Variants in SMCHD1 observed in about 807,000 individuals in gnomAD.
The protein encoded by SMCHD1 is structural maintenance of chromosomes flexible hinge domain-containing protein 1.
Under a neutral mutation model 254.7 loss-of-function variants are expected in SMCHD1, and 78 were observed. That is an observed-to-expected ratio of 0.31 (90% CI 0.26 to 0.37). The LOEUF (loss-of-function observed/expected upper bound fraction) is 0.37. SMCHD1 is among the 10% of genes least tolerant of loss of function. The pLI is 1.00. For synonymous variants in SMCHD1, 766 were observed against 794.9 expected, an observed-to-expected ratio of 0.96 and a Z score of 0.61; for missense variants, 1,840 against 2,408.1, an observed-to-expected ratio of 0.76 and a Z score of 4.94.
rs553281127 is a variant in SMCHD1, at chr18:2,655,846, G to T, written c.-230G>T. 25 of 350,494 alleles carry T rather than the reference G, an allele frequency of 7.1e-5. No homozygotes were observed. Among genetic ancestry groups the T allele is most frequent in the African/African-American group, 5.3e-4 (25 of 47,042 alleles). The allele number at this position is 350,494 out of a possible 1,614,324, so 21.7% of individuals were successfully genotyped here. ...GCGTCCCCTTCTCCTCAGGAGTGGC[G>T]GGCCGCGGAAGTGACGTGGTGCACG... On this transcript the variant is annotated 5_prime_UTR_variant, in exon 1 of 48. Coordinates refer to ENST00000320876, the MANE Select transcript of SMCHD1 (RefSeq NM_015295.3).
intron 5 of SMCHD1, among the ~76,000 whole-genome samples, chr18:2,682,057 G>A (rs768503500): frequency 2.0e-5 from 3 of 152,144 alleles, no homozygotes; most frequent in East Asian, 1.9e-4. Flanking sequence ...TAACATCTAA[G>A]CACCCTACTT....
At chr18:2,669,403 TG>T (rs2073533822) in intron 3 of SMCHD1, among the ~76,000 whole-genome samples, 1 of 152,196 alleles carries the variant, frequency 6.6e-6, no homozygotes, top group African/African-American at 2.4e-5. Flanking sequence ...CTCACTATGT[TG>T]CCCAGGCTGG....
intron 47 of SMCHD1, among the ~76,000 whole-genome samples, chr18:2,798,238 C>CAA (rs11419909): frequency 6.6e-6 from 1 of 151,542 alleles, no homozygotes; most frequent in Non-Finnish European, 1.5e-5. Context: ...CATCATGTTG[C>CAA]AAAAAAAATC....
intron 44 of SMCHD1, 89 bp downstream of exon 44, chr18:2,778,328 T>A: frequency 1.1e-6 from 1 of 881,300 alleles, no homozygotes; most frequent in Non-Finnish European, 1.7e-6. Context: ...ACGACTAGCC[T>A]TTTCAAAACC....
intron 5 of SMCHD1, among the ~76,000 whole-genome samples, chr18:2,680,976 G>A (rs565804897): frequency 1.3e-5 from 2 of 152,202 alleles, no homozygotes; most frequent in East Asian, 1.9e-4. Context: ...TTAAGATATA[G>A]GACAATAAGC....
At position 2,718,699 on chromosome 18, in the gene SMCHD1, G is replaced by A. The variant is rs763482504; in HGVS notation, c.2458+265G>A. Among the ~76,000 whole-genome samples, 1 of 151,876 alleles carries A rather than the reference G, an allele frequency of 6.6e-6. No individual in the cohort carries two copies. Among genetic ancestry groups the A allele is most frequent in the Non-Finnish European group, 1.5e-5 (1 of 67,988 alleles). ...GCCTCCCGAGTAGCTGGGATTACAG[G>A]CGCCCGCCACCACACCTGGCTTTTT... is the stretch of plus-strand genomic sequence containing the variant. On this transcript the variant is annotated intron_variant, in intron 19 of 47. Transcript: ENST00000320876. The surrounding 1 kb of genome is among the most constrained non-coding windows in gnomAD (Gnocchi z 4.6).
chr18:2,671,383 A>G (rs1429454715), intron 3 of SMCHD1, among the ~76,000 whole-genome samples: 1 of 152,162 alleles, frequency 6.6e-6, no homozygotes, highest in East Asian at 1.9e-4. Context: ...TGAAAACCCT[A>G]TCAGTTGAAA....
Position 2,695,029 on chromosome 18 carries a change from G to A in SMCHD1, c.1040+336G>A, listed in dbSNP as rs752462017. 3.5e-5 allele frequency among the ~76,000 whole-genome samples: 5 copies of A among 141,072 alleles called. No individual in the cohort carries two copies. The East Asian group carries it at 6.2e-4, about 18-fold the overall frequency. 92.5% of individuals were successfully genotyped at this position (141,072 alleles called of 152,430 possible). ...GTGCTTCTTTTCCATAGGACCTGTC[G>A]TAATCTTCCATACCATATATATTTA... On this transcript the variant is annotated intron_variant, in intron 8 of 47. Transcript: ENST00000320876.
chr18:2,677,864 C>T (rs1353926189), intron 5 of SMCHD1, among the ~76,000 whole-genome samples: 1 of 152,090 alleles, frequency 6.6e-6, no homozygotes, highest in Non-Finnish European at 1.5e-5. Context: ...AGCGATCCAC[C>T]TGCCTCAGCC....
At chr18:2,741,094 C>T (rs965527703) in intron 28 of SMCHD1, among the ~76,000 whole-genome samples, 1 of 152,112 alleles carries the variant, frequency 6.6e-6, no homozygotes, top group Non-Finnish European at 1.5e-5. Flanking sequence ...CCATTTTATC[C>T]ATAAAGATTG....
intron 37 of SMCHD1, among the ~76,000 whole-genome samples, chr18:2,765,459 G>A (rs1168803998): frequency 2.0e-5 from 3 of 152,100 alleles, no homozygotes; most frequent in African/African-American, 7.2e-5. Context: ...AGGCTTATAC[G>A]GTAGGAGCCT....
rs10708453 is a variant in SMCHD1, at chr18:2,762,492, CT to C, written c.4566+275del. Among the ~76,000 whole-genome samples the C allele has an allele frequency of 0.33, 41,683 of 126,572 alleles. 6,118 individuals are homozygous for C. Among genetic ancestry groups the C allele is most frequent in the Non-Finnish European group, 0.39 (23,515 of 59,848 alleles). The allele number at this position is 126,572 out of a possible 152,430, so 83.0% of individuals were successfully genotyped here. ...AATGCAGAAATCTCAATCTGCCTACCTTTTTTTTTTTTTTTTTTTGAGACAG... is the reference window on the plus strand; with the variant it reads ...AATGCAGAAATCTCAATCTGCCTACCTTTTTTTTTTTTTTTTTTGAGACAG... On this transcript the variant is annotated intron_variant, in intron 36 of 47. Coordinates refer to ENST00000320876, the MANE Select transcript of SMCHD1 (RefSeq NM_015295.3).
At chr18:2,719,181 G>T (rs1277567362) in intron 19 of SMCHD1, among the ~76,000 whole-genome samples, 1 of 151,138 alleles carries the variant, frequency 6.6e-6, no homozygotes, top group Non-Finnish European at 1.5e-5. Flanking sequence ...GAATCACTTT[G>T]ATTTTCTATT....
chr18:2,656,675 G>GT (rs918565445), intron 1 of SMCHD1, among the ~76,000 whole-genome samples: 1 of 152,240 alleles, frequency 6.6e-6, no homozygotes, highest in African/African-American at 2.4e-5. Context: ...GGGCTCTGTT[G>GT]TGAGTGTTGC....
rs553970445 is a variant in SMCHD1 at position 2,750,503 on chromosome 18, C to T, written c.4161C>T (p.Phe1387=). ...KDASFLAGGL[F]TDFMISVISE... is the part of the protein sequence containing the mutation. The stretch of plus-strand genomic sequence containing the variant: ...CATCCTTCTTAGCAGGGGGTCTTTT[C>T]ACTGGTGAGTATTTCACATACATAA... The change falls in exon 32 of 48, where the codon TTC becomes TTT. Residue 1387 remains phenylalanine (F), a synonymous_variant. Coordinates refer to ENST00000320876, the MANE Select transcript of SMCHD1 (RefSeq NM_015295.3). 27 of 1,596,166 alleles carry T rather than the reference C, an allele frequency of 1.7e-5. 1 individual carries two copies. In the Admixed American group the frequency reaches 3.3e-4, roughly 20 times the overall value.
intron 1 of SMCHD1, among the ~76,000 whole-genome samples, chr18:2,664,004 C>T (rs769201048): frequency 1.5e-4 from 23 of 152,108 alleles, no homozygotes; most frequent in Non-Finnish European, 2.9e-4. Context: ...TTTGAGCCAC[C>T]GCGCCCGGCC....
chr18:2,738,169 AT>A, intron 25 of SMCHD1, among the ~76,000 whole-genome samples: 1 of 152,328 alleles, frequency 6.6e-6, no homozygotes, highest in Middle Eastern at 3.4e-3. Context: ...TGACTTAAGA[AT>A]TTTTATTTTA....
chr18:2,682,385 G>T (rs1406029073), intron 5 of SMCHD1, among the ~76,000 whole-genome samples: 4 of 150,584 alleles, frequency 2.7e-5, no homozygotes, highest in African/African-American at 4.9e-5. Flanking sequence ...GGAGTGCAGT[G>T]GCGTGATTTC....
rs1440659056 is a variant in SMCHD1, at chr18:2,748,366, GTGTGTGTGTGTGTGTGTATA to G, written c.3927+721_3927+740del. Among the ~76,000 whole-genome samples, 33 of 35,854 alleles carry G rather than the reference GTGTGTGTGTGTGTGTGTATA, an allele frequency of 9.2e-4. 3 individuals are homozygous for G. Among genetic ancestry groups the G allele is most frequent in the African/African-American group, 2.7e-3 (31 of 11,562 alleles). The allele number at this position is 35,854 out of a possible 152,430, so 23.5% of individuals were successfully genotyped here. A position where few individuals can be genotyped will look rare whatever the true frequency, so the allele number is the denominator to read the frequency against. On this transcript the variant is annotated intron_variant, in intron 30 of 47. Coordinates refer to ENST00000320876, the MANE Select transcript of SMCHD1 (RefSeq NM_015295.3). ...GTTGTGTGTGTGTGTGTGTGTGTGT[GTGTGTGTGTGTGTGTGTATA>G]TAAATTTTTTTTTTTTTTTTTTTGG...
Sources: gnomAD v4.1 joint callset for allele counts (sites outside exome capture counted in the v4.1 genomes callset) on GRCh38, gnomAD v4.1.1 for gene constraint, Gnocchi (gnomAD v3.1) non-coding constraint, MANE v1.5 for transcripts, NCBI Gene and HGNC (gene_info 2026-07-23, HGNC 2026-07-21) for gene names.